HSD17B12: variants seen among roughly 807,000 people sequenced by gnomAD.
HSD17B12 encodes the protein very-long-chain 3-oxoacyl-CoA reductase.
In HSD17B12, 32 loss-of-function variants were observed where a neutral mutation model predicts 39.3. That is an observed-to-expected ratio of 0.81 (90% CI 0.61 to 1.09). The LOEUF (loss-of-function observed/expected upper bound fraction) is 1.09. Ranked by LOEUF, HSD17B12 falls within the 50% of genes least tolerant of loss-of-function variation. The pLI is 0.00. For missense variants in HSD17B12, 342 were observed against 382.9 expected, an observed-to-expected ratio of 0.89 and a Z score of 0.89; for synonymous variants, 150 against 146.7, an observed-to-expected ratio of 1.02 and a Z score of -0.16.
At chr11:43,845,659 G>A (rs1173283009) in intron 9 of HSD17B12, among the ~76,000 whole-genome samples, 2 of 152,160 alleles carry the variant, frequency 1.3e-5, no homozygotes, top group Non-Finnish European at 2.9e-5. Flanking sequence ...ACATATGTAT[G>A]TGATGTTGTG....
the HSD17B12 span, among the ~76,000 whole-genome samples, chr11:43,587,459 G>A: frequency 6.6e-6 from 1 of 152,254 alleles, no homozygotes; most frequent in Admixed American, 6.5e-5. Context: ...AGGTTGCATG[G>A]TCAAATCTTG....
chr11:43,620,189 C>T, the HSD17B12 span, among the ~76,000 whole-genome samples: 3 of 152,190 alleles, frequency 2.0e-5, no homozygotes, highest in Admixed American at 2.0e-4. Flanking sequence ...TCTTTAAACA[C>T]CACCATTTAT....
the HSD17B12 span, among the ~76,000 whole-genome samples, chr11:43,635,649 A>C: frequency 1.3e-5 from 2 of 152,216 alleles, no homozygotes; most frequent in East Asian, 3.8e-4. Context: ...GGGAACTTGA[A>C]AGAGAAGTTA....
At chr11:43,649,930 GC>G in the HSD17B12 span, among the ~76,000 whole-genome samples, 1 of 152,156 alleles carries the variant, frequency 6.6e-6, no homozygotes, top group East Asian at 1.9e-4. Context: ...AAGTGTAGAG[GC>G]AAAAGAGCAC....
chr11:43,611,580 A>G, the HSD17B12 span, among the ~76,000 whole-genome samples: 1 of 152,218 alleles, frequency 6.6e-6, no homozygotes, highest in African/African-American at 2.4e-5. Flanking sequence ...GCAGACTTCC[A>G]GACTGGGTTG....
chr11:43,688,625 C>G lies in HSD17B12; in HGVS notation c.160+7638C>G, dbSNP rs537470026. Among the ~76,000 whole-genome samples, 31 of 152,244 alleles carry G rather than the reference C, an allele frequency of 2.0e-4. No individual in the cohort carries two copies. In the East Asian group the frequency reaches 5.8e-3, roughly 28 times the overall value. On this transcript the variant is annotated intron_variant, in intron 1 of 10. Coordinates refer to ENST00000278353, the MANE Select transcript of HSD17B12 (RefSeq NM_016142.3). ...AGTGAAGTTATTTCCATTTAAATAA[C>G]CTAGTCATTGTGGAAGAGAGGAAGG...
rs549210625 is a variant in HSD17B12 at position 43,750,868 on chromosome 11, A to G, written c.161-43A>G. On this transcript the variant is annotated intron_variant, in intron 1 of 10. Transcript: ENST00000278353. ...GGTCCTAACTATGACCAATTCCTCA[A>G]TGTAATTCTTAGACTAAACTATTGC... 7 of 1,448,144 alleles carry G rather than the reference A, an allele frequency of 4.8e-6. No individual in the cohort carries two copies. The African/African-American group carries it at 5.6e-5, about 12-fold the overall frequency. The allele number at this position is 1,448,144 out of a possible 1,614,324, so 89.7% of individuals were successfully genotyped here.
intron 9 of HSD17B12, among the ~76,000 whole-genome samples, chr11:43,843,685 GA>G (rs889267954): frequency 2.0e-5 from 3 of 152,078 alleles, no homozygotes; most frequent in African/African-American, 7.2e-5. Context: ...ATTTGCACCT[GA>G]ACCCTATGGC....
the HSD17B12 span, among the ~76,000 whole-genome samples, chr11:43,615,480 A>G: frequency 6.6e-6 from 1 of 152,190 alleles, no homozygotes; most frequent in Non-Finnish European, 1.5e-5. Flanking sequence ...CTGGTGCCCA[A>G]TACACAAATT....
intron 4 of HSD17B12, among the ~76,000 whole-genome samples, chr11:43,801,335 A>G (rs10838175): frequency 0.64 from 96,690 of 151,830 alleles, 31,216 homozygotes; most frequent in East Asian, 0.7. Context: ...CCAGTGGGGT[A>G]GGAAAAAGGA....
chr11:43,628,332 CA>C, the HSD17B12 span, among the ~76,000 whole-genome samples: 1 of 151,998 alleles, frequency 6.6e-6, no homozygotes, highest in Non-Finnish European at 1.5e-5. Context: ...CCAGATTTGT[CA>C]AGCATTCACA....
chr11:43,853,156 T>A, intron 9 of HSD17B12: 1 of 152,078 alleles, frequency 6.6e-6, no homozygotes, highest in Non-Finnish European at 1.5e-5. Context: ...GCTAACATGG[T>A]GAAACCCTGT....
At chr11:43,682,081 T>C (rs1030411036) in intron 1 of HSD17B12, among the ~76,000 whole-genome samples, 1 of 152,214 alleles carries the variant, frequency 6.6e-6, no homozygotes, top group African/African-American at 2.4e-5. Flanking sequence ...TACTCCATGT[T>C]CTTTGTTTAT....
chr11:43,837,184 G>A (rs1951379139), intron 7 of HSD17B12, among the ~76,000 whole-genome samples: 1 of 152,100 alleles, frequency 6.6e-6, no homozygotes, highest in Admixed American at 6.6e-5. Flanking sequence ...TTTCATTTCA[G>A]ATTTATGCCT....
At chr11:43,588,748 C>A in the HSD17B12 span, among the ~76,000 whole-genome samples, 1 of 151,502 alleles carries the variant, frequency 6.6e-6, no homozygotes, top group African/African-American at 2.4e-5. Flanking sequence ...AAAAGATAAT[C>A]TTTTCTGGAA....
chr11:43,820,410 G>T (rs1296977365), intron 6 of HSD17B12, among the ~76,000 whole-genome samples: 4 of 152,194 alleles, frequency 2.6e-5, no homozygotes, highest in Non-Finnish European at 2.9e-5. Flanking sequence ...GCTGTGATTT[G>T]CCCTATAATA....
chr11:43,719,700 G>C (rs923162104), intron 1 of HSD17B12, among the ~76,000 whole-genome samples: 1 of 150,956 alleles, frequency 6.6e-6, no homozygotes, highest in African/African-American at 2.4e-5. Flanking sequence ...ACATTGTTTT[G>C]TAAGACTATT....
At chr11:43,703,395 C>T (rs555339669) in intron 1 of HSD17B12, among the ~76,000 whole-genome samples, 2 of 152,150 alleles carry the variant, frequency 1.3e-5, no homozygotes, top group Non-Finnish European at 2.9e-5. Context: ...GGGGTTTCAC[C>T]GTTTTAGCCG....
chr11:43,833,435 G>T (rs528656070), intron 7 of HSD17B12: 1 of 152,136 alleles, frequency 6.6e-6, no homozygotes, highest in African/African-American at 2.4e-5. Context: ...GCTGACAGAT[G>T]AAAGACAAGA....
Sources: gnomAD v4.1 joint callset for allele counts (sites outside exome capture counted in the v4.1 genomes callset) on GRCh38, gnomAD v4.1.1 for gene constraint, MANE v1.5 for transcripts, NCBI Gene and HGNC (gene_info 2026-07-23, HGNC 2026-07-21) for gene names.